Variants in HDAC1 observed in about 807,000 individuals in gnomAD.
HDAC1 encodes the protein histone deacetylase 1, also known as protein deacetylase HDAC1.
A neutral mutation model predicts 65.5 loss-of-function variants in HDAC1; 18 were observed. The observed-to-expected ratio is 0.27, with a 90% CI of 0.19 to 0.41. The LOEUF (loss-of-function observed/expected upper bound fraction) is 0.41. Among genes scored for constraint, HDAC1 ranks in the 10% least tolerant of loss-of-function variants. The pLI, the probability that HDAC1 is intolerant of heterozygous loss-of-function variation, is 1.00. For missense variants in HDAC1, 373 were observed against 625.2 expected, an observed-to-expected ratio of 0.60 and a Z score of 4.30; for synonymous variants, 211 against 227.9, an observed-to-expected ratio of 0.93 and a Z score of 0.67.
intron 1 of HDAC1, among the ~76,000 whole-genome samples, chr1:32,298,078 C>T (rs1034618978): frequency 5.7e-5 from 8 of 140,644 alleles, no homozygotes; most frequent in East Asian, 2.2e-4. Context: ...CGTGAGCCAG[C>T]GCGCCCGGCC....
intron 2 of HDAC1, among the ~76,000 whole-genome samples, chr1:32,314,825 C>CAAAAAAA (rs34315355): frequency 1.6e-5 from 1 of 64,184 alleles, no homozygotes; most frequent in Non-Finnish European, 3.6e-5. Flanking sequence ...GACTCCGTCT[C>CAAAAAAA]AAAAAAAAAA....
intron 2 of HDAC1, among the ~76,000 whole-genome samples, chr1:32,309,680 C>CA (rs560312057): frequency 0.12 from 5,783 of 50,118 alleles, 403 homozygotes; most frequent in African/African-American, 0.25. Context: ...GAGCGAGTCT[C>CA]AAAAAAAAAA....
At chr1:32,332,324 C>A in intron 12 of HDAC1, 82 bp downstream of exon 12, 1 of 1,292,036 alleles carries the variant, frequency 7.7e-7, no homozygotes, top group Non-Finnish European at 1.1e-6. Context: ...GGGAGTGACT[C>A]AGGCCCTGCC....
intron 1 of HDAC1, 109 bp downstream of exon 1, chr1:32,292,327 G>C: frequency 6.6e-7 from 1 of 1,518,852 alleles, no homozygotes; most frequent in Non-Finnish European, 8.8e-7. Context: ...AGGCGCTGGG[G>C]AGAGGCTCGG....
chr1:32,327,096 G>T lies in HDAC1; in HGVS notation c.494+19G>T, dbSNP rs975233617. On this transcript the variant is annotated intron_variant, in intron 5 of 13. Coordinates refer to ENST00000373548, the MANE Select transcript of HDAC1 (RefSeq NM_004964.3). The surrounding 1 kb of genome is among the most constrained non-coding windows in gnomAD (Gnocchi z 6.0). ...TGCTAAAGTATGCCTGCCTGGCCTT[G>T]TCTCTTGGAAGAGCACCTTAGGCCA... 3.1e-6 allele frequency: 5 copies of T among 1,613,320 alleles called. No individual in the cohort carries two copies. The highest frequency in any genetic ancestry group is 4.2e-6 in the Non-Finnish European group (5 of 1,179,776).
chr1:32,292,700 G>A (rs1640714505), intron 1 of HDAC1, among the ~76,000 whole-genome samples: 1 of 152,022 alleles, frequency 6.6e-6, no homozygotes, highest in Non-Finnish European at 1.5e-5. Flanking sequence ...GACGTGGGGC[G>A]CCAGGGGTTG....
intron 2 of HDAC1, among the ~76,000 whole-genome samples, chr1:32,308,518 TTTTA>T (rs1640942885): frequency 6.6e-6 from 1 of 152,052 alleles, no homozygotes; most frequent in Non-Finnish European, 1.5e-5. Flanking sequence ...TTTTTTTAAT[TTTTA>T]TTTATTTATT....
At chr1:32,313,833 C>T (rs578063263) in intron 2 of HDAC1, among the ~76,000 whole-genome samples, 1 of 152,246 alleles carries the variant, frequency 6.6e-6, no homozygotes, top group African/African-American at 2.4e-5. Context: ...CTAGTCTGAG[C>T]AAGTGTGGAT....
chr1:32,302,750 G>C lies in HDAC1; in HGVS notation c.162+17G>C. Reference sequence around the variant, plus strand: ...GAAATCTATGTGAGTTACCAGAGGTGCTACCGCTCCCTAACCTCATCTGCT... The same window carrying C: ...GAAATCTATGTGAGTTACCAGAGGTCCTACCGCTCCCTAACCTCATCTGCT... On this transcript the variant is annotated intron_variant, in intron 2 of 13. Transcript: ENST00000373548. The C allele has an allele frequency of 8.7e-7, 1 of 1,151,692 alleles. No individual in the cohort carries two copies. Among genetic ancestry groups the C allele is most frequent in the Non-Finnish European group, 1.3e-6 (1 of 757,448 alleles). The allele number at this position is 1,151,692 out of a possible 1,614,324, so 71.3% of individuals were successfully genotyped here.
At chr1:32,294,509 C>CTT (rs533642905) in intron 1 of HDAC1, among the ~76,000 whole-genome samples, 21 of 125,532 alleles carry the variant, frequency 1.7e-4, no homozygotes, top group East Asian at 2.4e-4. Context: ...CAGTTGATAA[C>CTT]TTTTTTTTTT....
rs543813896 is a variant in HDAC1, at chr1:32,314,116, T to C, written c.163-2549T>C. On this transcript the variant is annotated intron_variant, in intron 2 of 13. Coordinates refer to ENST00000373548, the MANE Select transcript of HDAC1 (RefSeq NM_004964.3). ...TTCTCCTTGCAATTTTAACTTTGCA[T>C]ACATTTATTATTTGATTTAACCCAC... Among the ~76,000 whole-genome samples, 3 of 152,334 alleles carry C rather than the reference T, an allele frequency of 2.0e-5. No homozygotes were observed. In the East Asian group the frequency reaches 5.8e-4, roughly 29 times the overall value.
In HDAC1 at chr1:32,331,625, C is replaced by T; in HGVS notation, c.1088+43C>T. 6.2e-7 allele frequency: 1 copy of T among 1,613,360 alleles called. No homozygotes were observed. Among genetic ancestry groups the T allele is most frequent in the Non-Finnish European group, 8.5e-7 (1 of 1,179,388 alleles). ...CCACCCCTTGGTTGAACATTCCTGA[C>T]TTTGGTTTGTCCCTGACCAGAGCCC... is the stretch of plus-strand genomic sequence containing the variant. On this transcript the variant is annotated intron_variant, in intron 10 of 13. Coordinates refer to ENST00000373548, the MANE Select transcript of HDAC1 (RefSeq NM_004964.3). This position sits in a 1 kb window ranked among gnomAD's most constrained non-coding sequence, Gnocchi z 4.2.
rs1337366605 is a variant in HDAC1 at position 32,331,875 on chromosome 1, G to A, written c.1219+69G>A. On this transcript the variant is annotated intron_variant, in intron 11 of 13. Transcript: ENST00000373548. This position sits in a 1 kb window ranked among gnomAD's most constrained non-coding sequence, Gnocchi z 4.2. ...AGCTCACACTTCCACCACCATTCCT[G>A]GCTGCACACTCCCTCCAAGCTCCCC... 1.8e-5 allele frequency: 27 copies of A among 1,524,790 alleles called. No homozygotes were observed. The Middle Eastern group carries it at 5.3e-4, about 30-fold the overall frequency. The allele number at this position is 1,524,790 out of a possible 1,614,324, so 94.5% of individuals were successfully genotyped here.
chr1:32,302,073 A>G (rs751366978), intron 1 of HDAC1, among the ~76,000 whole-genome samples: 80 of 152,210 alleles, frequency 5.3e-4, no homozygotes, highest in Non-Finnish European at 1.1e-3. Context: ...TAGAGGGACC[A>G]ATTAGAAGGC....
intron 3 of HDAC1, among the ~76,000 whole-genome samples, chr1:32,322,089 T>G (rs1210190057): frequency 6.6e-6 from 1 of 151,942 alleles, no homozygotes. Context: ...TTCAACTGTG[T>G]CTTGAGATTT....
At chr1:32,313,404 A>G (rs2148063467) in intron 2 of HDAC1, among the ~76,000 whole-genome samples, 1 of 152,048 alleles carries the variant, frequency 6.6e-6, no homozygotes, top group East Asian at 1.9e-4. Context: ...CCCGATAATT[A>G]TTTTAAAAAA....
At chr1:32,300,478 C>G (rs939465883) in intron 1 of HDAC1, among the ~76,000 whole-genome samples, 1 of 151,784 alleles carries the variant, frequency 6.6e-6, no homozygotes, top group Non-Finnish European at 1.5e-5. Context: ...CTGCTTGAAC[C>G]TGGGAGGCAG....
intron 4 of HDAC1, among the ~76,000 whole-genome samples, chr1:32,325,449 C>A (rs764383952): frequency 6.6e-6 from 1 of 152,188 alleles, no homozygotes; most frequent in Non-Finnish European, 1.5e-5. Context: ...TGGTGGATAA[C>A]CTCTGTTACC....
At chr1:32,302,544 C>A in intron 1 of HDAC1, 77 bp from the exon 2 acceptor site, 4 of 679,358 alleles carry the variant, frequency 5.9e-6, no homozygotes, top group Non-Finnish European at 1.1e-5. Context: ...ACTGGGAGTT[C>A]GCTGTAAAAA....
Sources: gnomAD v4.1 joint callset for allele counts (sites outside exome capture counted in the v4.1 genomes callset) on GRCh38, gnomAD v4.1.1 for gene constraint, Gnocchi (gnomAD v3.1) non-coding constraint, MANE v1.5 for transcripts, NCBI Gene and HGNC (gene_info 2026-07-23, HGNC 2026-07-21) for gene names.